Variants in UGGT2 observed in about 807,000 individuals in gnomAD.
UGGT2 encodes the protein UDP-glucose glycoprotein glucosyltransferase 2, also known as UDP-glucose:glycoprotein glucosyltransferase 2.
UGGT2 carries 180 observed loss-of-function variants against 192.1 expected under a neutral mutation model. The ratio of observed to expected loss-of-function variants is 0.94; its 90% CI spans 0.83 to 1.06. UGGT2 has a LOEUF of 1.06. UGGT2 is among the 50% of genes least tolerant of loss of function. The probability of loss-of-function intolerance (pLI) is 0.00; values close to 1 mark genes in which losing one functional copy is unlikely to be tolerated. For missense variants in UGGT2, 1,849 were observed against 1,795.7 expected, an observed-to-expected ratio of 1.03 and a Z score of -0.54; for synonymous variants, 580 against 591.0, an observed-to-expected ratio of 0.98 and a Z score of 0.27.
Position 95,949,463 on chromosome 13 carries a change from G to T in UGGT2, c.1336-9C>A. 6.9e-7 allele frequency: 1 copy of T among 1,454,804 alleles called. No homozygotes were observed. The highest frequency in any genetic ancestry group is 9.1e-7 in the Non-Finnish European group (1 of 1,094,200). 90.1% of individuals were successfully genotyped at this position (1,454,804 alleles called of 1,614,324 possible). A position where few individuals can be genotyped will look rare whatever the true frequency, so the allele number is the denominator to read the frequency against. Reference sequence around the variant, plus strand: ...TCTAAGTCATTAATCCACTAGAAAAGAACGCAGACACTTGTGAAAGCTATA... The same window carrying T: ...TCTAAGTCATTAATCCACTAGAAAATAACGCAGACACTTGTGAAAGCTATA... On this transcript the variant is annotated splice_polypyrimidine_tract_variant and intron_variant, in intron 12 of 38. Coordinates refer to ENST00000376747, the MANE Select transcript of UGGT2 (RefSeq NM_020121.4).
At chr13:95,964,396 T>C (rs1432087014) in intron 12 of UGGT2, among the ~76,000 whole-genome samples, 2 of 152,078 alleles carry the variant, frequency 1.3e-5, no homozygotes, top group African/African-American at 2.4e-5. Flanking sequence ...CTTTTGGACA[T>C]TGGTCTAATA....
chr13:95,986,709 G>A (rs758770602), intron 8 of UGGT2, among the ~76,000 whole-genome samples: 22 of 151,894 alleles, frequency 1.4e-4, no homozygotes, highest in Admixed American at 3.9e-4. Flanking sequence ...AAATGCTCTC[G>A]CAAAGCTTTT....
In UGGT2 at chr13:95,877,930, T is replaced by C. The variant is rs2047388224; in HGVS notation, c.3229-74A>G. 4 of 1,423,792 alleles carry C rather than the reference T, an allele frequency of 2.8e-6. No individual in the cohort carries two copies. The Admixed American group carries it at 6.3e-5, about 22-fold the overall frequency. 88.2% of individuals were successfully genotyped at this position (1,423,792 alleles called of 1,614,324 possible). Reference sequence around the variant, plus strand: ...TACAAAATTTTGAAATAAATAAATGTGATTATTTTAATATTGGCCAATGTA... The same window carrying C: ...TACAAAATTTTGAAATAAATAAATGCGATTATTTTAATATTGGCCAATGTA... On this transcript the variant is annotated intron_variant, in intron 27 of 38. Coordinates refer to ENST00000376747, the MANE Select transcript of UGGT2 (RefSeq NM_020121.4).
intron 12 of UGGT2, among the ~76,000 whole-genome samples, chr13:95,963,294 A>G (rs2050461072): frequency 6.6e-6 from 1 of 152,202 alleles, no homozygotes; most frequent in Non-Finnish European, 1.5e-5. Flanking sequence ...ATAGAAGAAA[A>G]AAAAACCATA....
At chr13:95,993,744 AACC>A (rs1193772999) in intron 7 of UGGT2, among the ~76,000 whole-genome samples, 2 of 152,168 alleles carry the variant, frequency 1.3e-5, no homozygotes, top group Non-Finnish European at 2.9e-5. Flanking sequence ...TCACCAGGAG[AACC>A]ACCCTGAGAG....
At chr13:96,004,826 G>A (rs939632365) in intron 5 of UGGT2, among the ~76,000 whole-genome samples, 1 of 152,004 alleles carries the variant, frequency 6.6e-6, no homozygotes, top group African/African-American at 2.4e-5. Flanking sequence ...ACCTAGTTAT[G>A]ACCTCCTCTC....
chr13:95,813,575 A>C (rs1365601009), intron 38 of UGGT2, among the ~76,000 whole-genome samples: 1 of 152,194 alleles, frequency 6.6e-6, no homozygotes, highest in African/African-American at 2.4e-5. Flanking sequence ...AGGGTGTAAA[A>C]GTGGAAAATT....
At chr13:95,860,241 C>T (rs923362820) in intron 32 of UGGT2, among the ~76,000 whole-genome samples, 2 of 151,246 alleles carry the variant, frequency 1.3e-5, no homozygotes, top group African/African-American at 4.8e-5. Flanking sequence ...TTTCTCCCCT[C>T]ATTCCCTTCC....
intron 5 of UGGT2, among the ~76,000 whole-genome samples, chr13:96,007,270 C>G (rs757541340): frequency 1.3e-5 from 2 of 152,054 alleles, no homozygotes; most frequent in African/African-American, 2.4e-5. Context: ...TCCCTCCCCC[C>G]CAACAAACTA....
In UGGT2 at chr13:96,053,195, C is replaced by G. The variant is rs956454418; in HGVS notation, c.118G>C (p.Ala40Pro). 1 of 1,525,724 alleles carries G rather than the reference C, an allele frequency of 6.6e-7. No homozygotes were observed. The highest frequency in any genetic ancestry group is 1.2e-5 in the South Asian group (1 of 82,370). 94.5% of individuals were successfully genotyped at this position (1,525,724 alleles called of 1,614,324 possible). A position where few individuals can be genotyped will look rare whatever the true frequency, so the allele number is the denominator to read the frequency against. Residue 40 changes from alanine to proline, a missense_variant, in exon 1 of 39, where the codon GCC becomes CCC. Coordinates refer to ENST00000376747, the MANE Select transcript of UGGT2 (RefSeq NM_020121.4). ...AGCGGGGTCTCGGGCCACTTCGCGGCCAAGTGGGCAGTCACCGACTTGGAC... is the reference window on the plus strand; with the variant it reads ...AGCGGGGTCTCGGGCCACTTCGCGGGCAAGTGGGCAGTCACCGACTTGGAC... ...AASKSVTAHL[A>P]AKWPETPLLL... is the part of the protein sequence containing the mutation.
At chr13:95,910,876 A>G (rs1353915168) in intron 20 of UGGT2, among the ~76,000 whole-genome samples, 7 of 152,172 alleles carry the variant, frequency 4.6e-5, no homozygotes, top group Admixed American at 3.9e-4. Context: ...AACACAAATC[A>G]CAACAAACTG....
At chr13:95,970,015 A>G (rs2050719545) in intron 12 of UGGT2, 97 bp downstream of exon 12, 1 of 1,290,068 alleles carries the variant, frequency 7.8e-7, no homozygotes, top group Admixed American at 2.3e-5. Flanking sequence ...CTGTTCCAAA[A>G]TGCTGACATT....
Position 95,834,217 on chromosome 13 carries a change from T to TTG in UGGT2, c.4402-1166_4402-1165dup, listed in dbSNP as rs3052314. ...TTTAGCTATTTGTACTACATTGGGT[T>TTG]TGTGTGTGTGTGTGTGTGTATGTGT... is the stretch of plus-strand genomic sequence containing the variant. On this transcript the variant is annotated intron_variant, in intron 37 of 38. Coordinates refer to ENST00000376747, the MANE Select transcript of UGGT2 (RefSeq NM_020121.4). 3.0e-3 allele frequency among the ~76,000 whole-genome samples: 456 copies of TTG among 150,962 alleles called. 2 individuals are homozygous for TTG. The highest frequency in any genetic ancestry group is 7.4e-3 in the African/African-American group (306 of 41,080).
chr13:95,930,123 T>C (rs2049195584), intron 17 of UGGT2, among the ~76,000 whole-genome samples: 1 of 152,214 alleles, frequency 6.6e-6, no homozygotes, highest in Non-Finnish European at 1.5e-5. Flanking sequence ...TACTTTTTAA[T>C]GGGGTTATTT....
chr13:95,899,592 G>A (rs1185392594), intron 22 of UGGT2, among the ~76,000 whole-genome samples: 1 of 151,922 alleles, frequency 6.6e-6, no homozygotes, highest in East Asian at 1.9e-4. Flanking sequence ...ACAAGACATA[G>A]GATAGCTTTT....
chr13:96,011,502 T>TA (rs939316052), intron 5 of UGGT2, among the ~76,000 whole-genome samples: 11 of 151,892 alleles, frequency 7.2e-5, no homozygotes, highest in South Asian at 2.1e-4. Context: ...ACAGCTATAA[T>TA]AAAAAAAACT....
intron 22 of UGGT2, among the ~76,000 whole-genome samples, chr13:95,896,191 T>C (rs537415164): frequency 6.6e-6 from 1 of 151,986 alleles, no homozygotes; most frequent in South Asian, 2.1e-4. Flanking sequence ...GTAATGGCTG[T>C]AGCCAGATTT....
chr13:96,044,915 C>T (rs2053264130), intron 1 of UGGT2, among the ~76,000 whole-genome samples: 1 of 152,024 alleles, frequency 6.6e-6, no homozygotes, highest in Non-Finnish European at 1.5e-5. Context: ...TTCTACCAGA[C>T]ATTCAAAGAA....
chr13:95,839,696 T>A (rs1170931771), intron 36 of UGGT2, among the ~76,000 whole-genome samples: 1 of 152,176 alleles, frequency 6.6e-6, no homozygotes, highest in Non-Finnish European at 1.5e-5. Context: ...TGTTAAACAT[T>A]TTCATGACCT....
Sources: allele counts gnomAD v4.1 joint callset (sites outside exome capture counted in the v4.1 genomes callset), GRCh38; gene constraint gnomAD v4.1.1; transcripts MANE v1.5; gene names NCBI Gene and HGNC (gene_info 2026-07-23, HGNC 2026-07-21).